The following GPC6 variants were observed in gnomAD, a reference collection of about 807,000 sequenced individuals.
GPC6 encodes the protein glypican-6.
GPC6 carries 14 observed loss-of-function variants against 55.2 expected under a neutral mutation model. The ratio of observed to expected loss-of-function variants is 0.25; its 90% CI spans 0.17 to 0.40. The LOEUF is 0.40. Among genes scored for constraint, GPC6 ranks in the 10% least tolerant of loss-of-function variants. GPC6 has a pLI of 1.00. For missense variants in GPC6, 641 were observed against 708.5 expected, an observed-to-expected ratio of 0.90 and a Z score of 1.08; for synonymous variants, 278 against 259.6, an observed-to-expected ratio of 1.07 and a Z score of -0.68.
chr13:93,894,044 G>A (rs899317618), intron 3 of GPC6, among the ~76,000 whole-genome samples: 2 of 152,158 alleles, frequency 1.3e-5, no homozygotes, highest in African/African-American at 4.8e-5. Context: ...AGAAAGGGAA[G>A]TGCAACACAT....
intron 3 of GPC6, among the ~76,000 whole-genome samples, chr13:93,864,278 C>G (rs1037096801): frequency 6.6e-6 from 1 of 151,672 alleles, no homozygotes; most frequent in African/African-American, 2.4e-5. Flanking sequence ...GAAAGCTATG[C>G]TCAAATCCTC....
At chr13:93,925,395 TAGA>T (rs890506549) in intron 3 of GPC6, among the ~76,000 whole-genome samples, 6 of 152,304 alleles carry the variant, frequency 3.9e-5, no homozygotes, top group African/African-American at 1.4e-4. Flanking sequence ...TTCCTGGGAA[TAGA>T]AGAAGAGAAA....
intron 3 of GPC6, among the ~76,000 whole-genome samples, chr13:93,944,867 T>C (rs1313499313): frequency 2.0e-5 from 3 of 151,358 alleles, no homozygotes; most frequent in Admixed American, 6.6e-5. Context: ...CTCAAAGTTA[T>C]CATCGATGGG....
chr13:93,413,513 C>A (rs1440752341), intron 1 of GPC6, among the ~76,000 whole-genome samples: 1 of 151,004 alleles, frequency 6.6e-6, no homozygotes, highest in Non-Finnish European at 1.5e-5. Context: ...CCTTATTTAA[C>A]TTTCATCTGT....
intron 1 of GPC6, among the ~76,000 whole-genome samples, chr13:93,529,502 C>CT (rs1216738897): frequency 7.0e-6 from 1 of 143,258 alleles, no homozygotes; most frequent in African/African-American, 2.6e-5. Context: ...ATAGTGGACT[C>CT]TGAGATTCTT....
chr13:93,699,610 AT>A (rs1293913048), intron 2 of GPC6, among the ~76,000 whole-genome samples: 4 of 152,074 alleles, frequency 2.6e-5, no homozygotes, highest in South Asian at 4.2e-4. Flanking sequence ...TATAAATAAT[AT>A]TTTTCTTACT....
At chr13:93,572,651 A>T (rs1594278145) in intron 2 of GPC6, among the ~76,000 whole-genome samples, 1 of 152,202 alleles carries the variant, frequency 6.6e-6, no homozygotes, top group East Asian at 1.9e-4. Context: ...CTATAGAAGG[A>T]TATAAATTCT....
chr13:94,151,044 A>G (rs1242818591), intron 4 of GPC6, among the ~76,000 whole-genome samples: 1 of 151,946 alleles, frequency 6.6e-6, no homozygotes, highest in Admixed American at 6.6e-5. Context: ...ATTTTATAAC[A>G]TAAGGAAACT....
intron 2 of GPC6, among the ~76,000 whole-genome samples, chr13:93,695,406 A>G (rs909909940): frequency 6.6e-6 from 1 of 151,946 alleles, no homozygotes; most frequent in African/African-American, 2.4e-5. Context: ...AGAGAATTGA[A>G]ATGAACTTGA....
intron 2 of GPC6, among the ~76,000 whole-genome samples, chr13:93,700,640 T>G (rs1882635331): frequency 6.6e-6 from 1 of 152,116 alleles, no homozygotes; most frequent in South Asian, 2.1e-4. Flanking sequence ...CTGAGTAAGG[T>G]TTGATCTTAC....
intron 4 of GPC6, among the ~76,000 whole-genome samples, chr13:94,122,253 C>T (rs1886657052): frequency 6.6e-6 from 1 of 152,002 alleles, no homozygotes; most frequent in Admixed American, 6.6e-5. Flanking sequence ...TTGTGTTGGG[C>T]ACTTTGCAGG....
intron 3 of GPC6, among the ~76,000 whole-genome samples, chr13:93,853,644 A>G (rs1888495070): frequency 1.3e-5 from 2 of 151,608 alleles, no homozygotes; most frequent in South Asian, 4.1e-4. Flanking sequence ...GTGTTAGTCA[A>G]TCCCTTTAAA....
intron 2 of GPC6, among the ~76,000 whole-genome samples, chr13:93,672,792 T>C (rs181775606): frequency 6.5e-4 from 99 of 151,998 alleles, no homozygotes; most frequent in African/African-American, 2.4e-3. Context: ...GATAGTAATA[T>C]CAGTTATTGT....
intron 4 of GPC6, among the ~76,000 whole-genome samples, chr13:94,201,856 G>T (rs1254815278): frequency 6.6e-6 from 1 of 152,156 alleles, no homozygotes; most frequent in Non-Finnish European, 1.5e-5. Context: ...GGCTGAGGCA[G>T]AAGAATCGCT....
intron 3 of GPC6, among the ~76,000 whole-genome samples, chr13:93,988,959 A>G (rs1396860097): frequency 1.3e-5 from 2 of 152,188 alleles, no homozygotes; most frequent in East Asian, 1.9e-4. Flanking sequence ...AGATACATAG[A>G]TAGGTAGATC....
chr13:93,223,523 T>C (rs1478540538), upstream of GPC6, among the ~76,000 whole-genome samples: 1 of 151,700 alleles, frequency 6.6e-6, no homozygotes, highest in African/African-American at 2.4e-5. Flanking sequence ...TGCTCACTGT[T>C]ACCTCCACCT....
rs374134671 is a variant in GPC6, at chr13:93,950,797, T to C, written c.712-76932T>C. Among the ~76,000 whole-genome samples, 68 of 144,800 alleles carry C rather than the reference T, an allele frequency of 4.7e-4. 1 individual carries two copies. Among genetic ancestry groups the C allele is most frequent in the African/African-American group, 1.6e-3 (65 of 39,792 alleles). 95.0% of individuals were successfully genotyped at this position (144,800 alleles called of 152,430 possible). On this transcript the variant is annotated intron_variant, in intron 3 of 8. Transcript: ENST00000377047. ...AATGATTCTGAGGCTGGGAAATTTCTTTTTTTTTTTTATTGTCAAAGCTCT... is the reference window on the plus strand; with the variant it reads ...AATGATTCTGAGGCTGGGAAATTTCCTTTTTTTTTTTATTGTCAAAGCTCT...
chr13:93,491,768 T>G (rs1880015993), intron 1 of GPC6, among the ~76,000 whole-genome samples: 1 of 129,072 alleles, frequency 7.7e-6, no homozygotes, highest in East Asian at 2.7e-4. Flanking sequence ...CACCATTTAT[T>G]AAATAGGGAA....
At chr13:93,880,768 C>T (rs1303221696) in intron 3 of GPC6, among the ~76,000 whole-genome samples, 1 of 151,150 alleles carries the variant, frequency 6.6e-6, no homozygotes, top group African/African-American at 2.4e-5. Context: ...GTAAGGCTGA[C>T]TAATAAGAGA....
Sources: gnomAD v4.1 joint callset for allele counts (sites outside exome capture counted in the v4.1 genomes callset) on GRCh38, gnomAD v4.1.1 for gene constraint, MANE v1.5 for transcripts, NCBI Gene and HGNC (gene_info 2026-07-23, HGNC 2026-07-21) for gene names.